The following STXBP4 variants were observed in gnomAD, a reference collection of about 807,000 sequenced individuals.
STXBP4 encodes the protein syntaxin binding protein 4, also known as syntaxin-binding protein 4.
A neutral mutation model predicts 76.1 loss-of-function variants in STXBP4; 55 were observed. That is an observed-to-expected ratio of 0.72 (90% CI 0.58 to 0.91). The LOEUF (loss-of-function observed/expected upper bound fraction) is 0.91, where lower values mean the gene tolerates loss of function less well. Among genes scored for constraint, STXBP4 ranks in the 40% least tolerant of loss-of-function variants. The pLI is 0.00. For synonymous variants in STXBP4, 201 were observed against 220.2 expected (o/e 0.91, Z 0.77); for missense variants, 618 against 636.9 (o/e 0.97, Z 0.32).
In STXBP4 at chr17:55,116,979, G is replaced by A. The variant is rs187760545; in HGVS notation, c.1490-24331G>A. ...AAGTACATAGTGCTATAATACTGCA[G>A]ATGAGTTAATAAGATAAGCATAATT... On this transcript the variant is annotated intron_variant, in intron 16 of 17. Coordinates refer to ENST00000376352, the MANE Select transcript of STXBP4 (RefSeq NM_178509.6). Among the ~76,000 whole-genome samples, 290 of 151,916 alleles carry A rather than the reference G, an allele frequency of 1.9e-3. 1 individual carries two copies. The highest frequency in any genetic ancestry group is 6.4e-3 in the African/African-American group (266 of 41,518).
intron 17 of STXBP4, among the ~76,000 whole-genome samples, chr17:55,151,695 T>C (rs888948264): frequency 1.3e-5 from 2 of 152,212 alleles, no homozygotes; most frequent in African/African-American, 4.8e-5. Context: ...CGTGAGCTGT[T>C]AGCCAGGCCA....
At chr17:55,133,961 G>A (rs2079999710) in intron 16 of STXBP4, among the ~76,000 whole-genome samples, 1 of 152,146 alleles carries the variant, frequency 6.6e-6, no homozygotes, top group Admixed American at 6.5e-5. Context: ...AGTAGTAGCT[G>A]CAAGGAAATG....
intron 15 of STXBP4, among the ~76,000 whole-genome samples, chr17:55,079,187 TAAAAG>T (rs1277484107): frequency 2.0e-5 from 3 of 152,126 alleles, no homozygotes; most frequent in African/African-American, 7.2e-5. Context: ...TAGCTATAAA[TAAAAG>T]AAATATATTT....
At chr17:55,066,203 G>A (rs1178813254) in intron 12 of STXBP4, among the ~76,000 whole-genome samples, 4 of 149,142 alleles carry the variant, frequency 2.7e-5, no homozygotes, top group Non-Finnish European at 6.0e-5. Flanking sequence ...TTGTTGTTTT[G>A]TTTTGTTTTG....
intron 17 of STXBP4, among the ~76,000 whole-genome samples, chr17:55,142,144 C>A (rs2080101022): frequency 6.6e-6 from 1 of 152,170 alleles, no homozygotes; most frequent in Non-Finnish European, 1.5e-5. Flanking sequence ...CTGATAAAGA[C>A]CCATCCTTAA....
At chr17:55,203,285 G>A in the STXBP4 span, among the ~76,000 whole-genome samples, 8 of 152,070 alleles carry the variant, frequency 5.3e-5, no homozygotes, top group Non-Finnish European at 8.8e-5. Context: ...AGAATCTTAT[G>A]TTTACACCTA....
the STXBP4 span, among the ~76,000 whole-genome samples, chr17:55,190,860 C>CA: frequency 6.6e-6 from 1 of 152,132 alleles, no homozygotes; most frequent in Non-Finnish European, 1.5e-5. Flanking sequence ...TTAACGTGTT[C>CA]AAAAATACAC....
chr17:54,974,969 T>C (rs780812191), intron 1 of STXBP4, among the ~76,000 whole-genome samples: 85 of 152,216 alleles, frequency 5.6e-4, no homozygotes, highest in Non-Finnish European at 7.5e-4. Flanking sequence ...GTAAGATCTG[T>C]ATGTTGCCAT....
At chr17:55,212,061 C>T in the STXBP4 span, among the ~76,000 whole-genome samples, 1 of 151,718 alleles carries the variant, frequency 6.6e-6, no homozygotes. Flanking sequence ...CTCAAATGAT[C>T]CACCCGCCTC....
intron 16 of STXBP4, among the ~76,000 whole-genome samples, chr17:55,103,077 G>C (rs1197714689): frequency 6.6e-6 from 1 of 152,102 alleles, no homozygotes; most frequent in East Asian, 1.9e-4. Context: ...CCATTCTGCA[G>C]GTTGTCTGTT....
chr17:55,054,668 T>C (rs919709211), intron 12 of STXBP4, among the ~76,000 whole-genome samples: 3 of 152,134 alleles, frequency 2.0e-5, no homozygotes, highest in Non-Finnish European at 2.9e-5. Context: ...GGTTTGATAA[T>C]GGGATCCTTC....
In STXBP4 at chr17:55,090,344, C is replaced by T. The variant is rs146993556; in HGVS notation, c.1489+9161C>T. On this transcript the variant is annotated intron_variant, in intron 16 of 17. Coordinates refer to ENST00000376352, the MANE Select transcript of STXBP4 (RefSeq NM_178509.6). ...GCTTTAAATGTAAGAGGAGTTGGCA[C>T]GACAGCTTCAGCACCAAAAGCCACA... Among the ~76,000 whole-genome samples, 583 of 152,096 alleles carry T rather than the reference C, an allele frequency of 3.8e-3. 1 individual carries two copies. The highest frequency in any genetic ancestry group is 6.9e-3 in the Non-Finnish European group (472 of 68,000).
chr17:55,068,789 CTT>C (rs1262763784), intron 12 of STXBP4, among the ~76,000 whole-genome samples: 1 of 152,056 alleles, frequency 6.6e-6, no homozygotes, highest in Non-Finnish European at 1.5e-5. Context: ...CAAACTGAGT[CTT>C]AGAGAATTAC....
chr17:54,980,858 T>A (rs1344283110), intron 1 of STXBP4, among the ~76,000 whole-genome samples: 1 of 152,236 alleles, frequency 6.6e-6, no homozygotes, highest in African/African-American at 2.4e-5. Context: ...GCCCATGGGC[T>A]GCATGTGGCC....
chr17:55,101,096 T>C (rs1460853648), intron 16 of STXBP4, among the ~76,000 whole-genome samples: 1 of 152,200 alleles, frequency 6.6e-6, no homozygotes, highest in Non-Finnish European at 1.5e-5. Flanking sequence ...ATGTATTGTT[T>C]ATGCTGCTAT....
intron 12 of STXBP4, among the ~76,000 whole-genome samples, chr17:55,057,398 A>T (rs1395497202): frequency 6.6e-6 from 1 of 152,232 alleles, no homozygotes; most frequent in African/African-American, 2.4e-5. Flanking sequence ...AGTGTTAGCA[A>T]CTGTATCTAT....
In STXBP4 at chr17:55,163,821, T is replaced by G. The variant is rs1310849973; in HGVS notation, c.*3910T>G. 8.1e-6 allele frequency: 1 copy of G among 123,966 alleles called. No homozygotes were observed. Among genetic ancestry groups the G allele is most frequent in the Non-Finnish European group, 1.7e-5 (1 of 59,496 alleles). The allele number at this position is 123,966 out of a possible 1,614,324, so 7.7% of individuals were successfully genotyped here. A position where few individuals can be genotyped will look rare whatever the true frequency, so the allele number is the denominator to read the frequency against. ...AAAATTCCAAAATAATATTAACACC[T>G]CTTGACTAGAAAAGGAAAAAAAAGG... is the stretch of plus-strand genomic sequence containing the variant. On this transcript the variant is annotated 3_prime_UTR_variant, in exon 18 of 18. Transcript: ENST00000376352.
intron 16 of STXBP4, among the ~76,000 whole-genome samples, chr17:55,121,192 A>G (rs978740865): frequency 2.0e-5 from 3 of 152,218 alleles, no homozygotes; most frequent in East Asian, 1.9e-4. Context: ...ATTGTAATGC[A>G]AAGTTTAAGA....
chr17:55,082,010 T>G (rs774054460), intron 16 of STXBP4, among the ~76,000 whole-genome samples: 6 of 152,236 alleles, frequency 3.9e-5, no homozygotes, highest in Non-Finnish European at 7.3e-5. Flanking sequence ...ACGTACTCTT[T>G]ATTTTCCTGC....
Sources: allele counts gnomAD v4.1 joint callset (sites outside exome capture counted in the v4.1 genomes callset), GRCh38; gene constraint gnomAD v4.1.1; transcripts MANE v1.5; gene names NCBI Gene and HGNC (gene_info 2026-07-23, HGNC 2026-07-21).